Variants in ATP6V1C2 observed in about 807,000 individuals in gnomAD.
ATP6V1C2 encodes the protein V-type proton ATPase subunit C 2.
In ATP6V1C2, 45 loss-of-function variants were observed where a neutral mutation model predicts 56.8. The ratio of observed to expected loss-of-function variants is 0.79; its 90% CI spans 0.62 to 1.02. The LOEUF (loss-of-function observed/expected upper bound fraction) is 1.02, where lower values mean the gene tolerates loss of function less well. Among genes scored for constraint, ATP6V1C2 ranks in the 50% least tolerant of loss-of-function variants. The pLI, the probability that ATP6V1C2 is intolerant of heterozygous loss-of-function variation, is 0.00. For missense variants in ATP6V1C2, 463 were observed against 519.7 expected, an observed-to-expected ratio of 0.89 and a Z score of 1.06; for synonymous variants, 220 against 201.3, an observed-to-expected ratio of 1.09 and a Z score of -0.79.
At position 10,776,283 on chromosome 2, in the gene ATP6V1C2, G is replaced by A. The variant is rs1297708736; in HGVS notation, c.825+1212G>A. 5.0e-5 allele frequency among the ~76,000 whole-genome samples: 7 copies of A among 141,010 alleles called. No individual in the cohort carries two copies. The East Asian group carries it at 5.8e-4, about 12-fold the overall frequency. 92.5% of individuals were successfully genotyped at this position (141,010 alleles called of 152,430 possible). ...CTCACACACGTGTGTGTGTGTGTGC[G>A]CGCGCACGTGCATGTATGAGTGTGT... On this transcript the variant is annotated intron_variant, in intron 10 of 13. Coordinates refer to ENST00000272238, the MANE Select transcript of ATP6V1C2 (RefSeq NM_001039362.2).
intron 3 of ATP6V1C2, among the ~76,000 whole-genome samples, chr2:10,727,425 G>A: frequency 6.6e-6 from 1 of 151,444 alleles, no homozygotes. Context: ...ATGTGGTGAT[G>A]TGTGCCTGTA....
At chr2:10,739,328 C>T (rs186617842) in intron 3 of ATP6V1C2, among the ~76,000 whole-genome samples, 2 of 152,180 alleles carry the variant, frequency 1.3e-5, no homozygotes, top group African/African-American at 4.8e-5. Context: ...TCACATGGCT[C>T]TCCTGCATGA....
At chr2:10,772,043 C>G in intron 7 of ATP6V1C2, 106 bp downstream of exon 7, 1 of 940,270 alleles carries the variant, frequency 1.1e-6, no homozygotes, top group East Asian at 2.4e-5. Flanking sequence ...CTGCCCAGCC[C>G]CAGTTCTCGG....
At chr2:10,762,748 C>T (rs1323013129) in intron 4 of ATP6V1C2, among the ~76,000 whole-genome samples, 1 of 152,100 alleles carries the variant, frequency 6.6e-6, no homozygotes, top group South Asian at 2.1e-4. Context: ...GAGCACTTCC[C>T]TCCCTCCACC....
At chr2:10,728,789 A>AAG (rs1661791195) in intron 3 of ATP6V1C2, among the ~76,000 whole-genome samples, 1 of 151,274 alleles carries the variant, frequency 6.6e-6, no homozygotes, top group African/African-American at 2.4e-5. Flanking sequence ...AAAAAAAAAA[A>AAG]AAAAAGTGTA....
At chr2:10,734,544 C>T (rs763962960) in intron 3 of ATP6V1C2, among the ~76,000 whole-genome samples, 4 of 152,100 alleles carry the variant, frequency 2.6e-5, no homozygotes, top group Non-Finnish European at 4.4e-5. Context: ...CTGGGCAGCC[C>T]GTTAGAGATC....
At chr2:10,781,171 G>A in intron 12 of ATP6V1C2, among the ~76,000 whole-genome samples, 1 of 152,162 alleles carries the variant, frequency 6.6e-6, no homozygotes, top group South Asian at 2.1e-4. Flanking sequence ...TGTCCCTTAA[G>A]GACCTAGGGT....
chr2:10,746,420 T>C (rs1394709434), intron 3 of ATP6V1C2, among the ~76,000 whole-genome samples: 1 of 151,822 alleles, frequency 6.6e-6, no homozygotes, highest in Admixed American at 6.6e-5. Flanking sequence ...TTCTTCTTTT[T>C]TCTTTTTTTT....
Position 10,784,478 on chromosome 2 carries a change from AT to A in ATP6V1C2, c.*1216del. ...GACTCCTACCCTGACCTTCGTACCTATGATTATACGGATGGAAAAGCTCAGA... is the reference window on the plus strand; with the variant it reads ...GACTCCTACCCTGACCTTCGTACCTAGATTATACGGATGGAAAAGCTCAGA... On this transcript the variant is annotated 3_prime_UTR_variant, in exon 14 of 14. Coordinates refer to ENST00000272238, the MANE Select transcript of ATP6V1C2 (RefSeq NM_001039362.2). 4 of 577,328 alleles carry A rather than the reference AT, an allele frequency of 6.9e-6. No homozygotes were observed. The highest frequency in any genetic ancestry group is 1.2e-5 in the Non-Finnish European group (4 of 331,346). The allele number at this position is 577,328 out of a possible 1,614,324, so 35.8% of individuals were successfully genotyped here. A position where few individuals can be genotyped will look rare whatever the true frequency, so the allele number is the denominator to read the frequency against.
chr2:10,729,633 G>A (rs1661847934), intron 3 of ATP6V1C2, among the ~76,000 whole-genome samples: 1 of 152,146 alleles, frequency 6.6e-6, no homozygotes, highest in Admixed American at 6.5e-5. Context: ...AGGCAGGAGG[G>A]ACAGTTGAGC....
chr2:10,776,647 A>G (rs1157250596), intron 10 of ATP6V1C2, among the ~76,000 whole-genome samples: 1 of 152,144 alleles, frequency 6.6e-6, no homozygotes, highest in Non-Finnish European at 1.5e-5. Context: ...CCCCCTGCGC[A>G]GTATCTCTGG....
chr2:10,728,994 G>A (rs1244822590), intron 3 of ATP6V1C2, among the ~76,000 whole-genome samples: 1 of 150,964 alleles, frequency 6.6e-6, no homozygotes, highest in Non-Finnish European at 1.5e-5. Flanking sequence ...GTTGGGTGCG[G>A]TGGCTGGCGC....
chr2:10,774,796 C>T lies in ATP6V1C2; in HGVS notation c.647C>T (p.Thr216Ile), dbSNP rs191315500. 9 of 1,614,028 alleles carry T rather than the reference C, an allele frequency of 5.6e-6. No homozygotes were observed. In the Admixed American group the frequency reaches 1.3e-4, roughly 24 times the overall value. The change falls in exon 9 of 14, where the codon ACT becomes ATT. Residue 216 changes from threonine to isoleucine, a missense_variant. Transcript: ENST00000272238. ...MVVPRSTKLI[T>I]EDKEGGLFTV... Reference sequence around the variant, plus strand: ...ATGCTTCTCTCCAACAGACTCATTACTGAGGACAAGGAAGGGGGCCTTTTC... The same window carrying T: ...ATGCTTCTCTCCAACAGACTCATTATTGAGGACAAGGAAGGGGGCCTTTTC...
intron 3 of ATP6V1C2, among the ~76,000 whole-genome samples, chr2:10,752,513 C>T (rs964917911): frequency 6.6e-6 from 1 of 152,234 alleles, no homozygotes; most frequent in South Asian, 2.1e-4. Flanking sequence ...TTTGGATCAT[C>T]ATAACTTTCA....
chr2:10,771,178 C>A (rs924231346), intron 6 of ATP6V1C2, among the ~76,000 whole-genome samples: 1 of 152,208 alleles, frequency 6.6e-6, no homozygotes, highest in Admixed American at 6.5e-5. Context: ...CATGGCTCAA[C>A]GCTGGAGAGC....
chr2:10,753,878 C>A, intron 3 of ATP6V1C2, 103 bp from the exon 4 acceptor site: 5 of 1,047,640 alleles, frequency 4.8e-6, no homozygotes, highest in Non-Finnish European at 7.1e-6. Context: ...CCAAATTATT[C>A]CCCCAAAGGG....
chr2:10,780,931 G>A lies in ATP6V1C2; in HGVS notation c.1062-1312G>A, dbSNP rs566650326. 7.9e-5 allele frequency among the ~76,000 whole-genome samples: 12 copies of A among 152,062 alleles called. No homozygotes were observed. Among genetic ancestry groups the A allele is most frequent in the Non-Finnish European group, 2.9e-5 (2 of 68,022 alleles). On this transcript the variant is annotated intron_variant, in intron 12 of 13. Transcript: ENST00000272238. This position sits in a 1 kb window ranked among gnomAD's most constrained non-coding sequence, Gnocchi z 4.1. ...AGCTAATTTTTGTAATTTTAGTAGC[G>A]ACGGGGTTTCACCACGTTGGCCAGG... is the stretch of plus-strand genomic sequence containing the variant.
At chr2:10,778,420 TG>T (rs1268022591) in intron 11 of ATP6V1C2, 151 bp from the exon 12 acceptor site, 2 of 686,948 alleles carry the variant, frequency 2.9e-6, no homozygotes, top group Admixed American at 5.1e-5. Flanking sequence ...GTCCTGAGCC[TG>T]ACCCAGGGCT....
intron 3 of ATP6V1C2, among the ~76,000 whole-genome samples, chr2:10,733,889 C>T (rs1316220286): frequency 2.0e-5 from 2 of 100,808 alleles, no homozygotes; most frequent in Non-Finnish European, 3.7e-5. Flanking sequence ...TCTTTACCCA[C>T]ATGGTTCCAT....
Sources: gnomAD v4.1 joint callset for allele counts (sites outside exome capture counted in the v4.1 genomes callset) on GRCh38, gnomAD v4.1.1 for gene constraint, Gnocchi (gnomAD v3.1) non-coding constraint, MANE v1.5 for transcripts, NCBI Gene and HGNC (gene_info 2026-07-23, HGNC 2026-07-21) for gene names.